The following LMNB1 variants were observed in gnomAD, a reference collection of about 807,000 sequenced individuals.
LMNB1 encodes the protein lamin-B1.
Under a neutral mutation model 67.1 loss-of-function variants are expected in LMNB1, and 23 were observed. That is an observed-to-expected ratio of 0.34 (90% confidence interval 0.25 to 0.49). LMNB1 has a LOEUF of 0.49. LMNB1 is among the 20% of genes least tolerant of loss of function. The pLI is 0.99. For missense variants in LMNB1, 634 were observed against 746.5 expected (o/e 0.85, Z 1.76); for synonymous variants, 281 against 282.9 (o/e 0.99, Z 0.07).
chr5:126,830,088 G>T (rs564653171), intron 9 of LMNB1, among the ~76,000 whole-genome samples: 1 of 152,108 alleles, frequency 6.6e-6, no homozygotes, highest in Non-Finnish European at 1.5e-5. Context: ...ATCATCTTTC[G>T]TCCACATAAG....
chr5:126,778,867 C>T (rs1412356768), intron 1 of LMNB1, among the ~76,000 whole-genome samples: 1 of 152,172 alleles, frequency 6.6e-6, no homozygotes, highest in Non-Finnish European at 1.5e-5. Flanking sequence ...GTTTGTAATT[C>T]ACCTAAGCGA....
At chr5:126,784,984 A>T (rs1172100704) in intron 1 of LMNB1, among the ~76,000 whole-genome samples, 2 of 136,658 alleles carry the variant, frequency 1.5e-5, no homozygotes, top group Admixed American at 7.5e-5. Context: ...AATTAATTTT[A>T]TTATTATTAT....
At chr5:126,791,846 C>T (rs761133240) in intron 1 of LMNB1, among the ~76,000 whole-genome samples, 5 of 151,378 alleles carry the variant, frequency 3.3e-5, no homozygotes, top group African/African-American at 4.9e-5. Context: ...TGCAGTGGTG[C>T]GATCTTGGCT....
intron 6 of LMNB1, among the ~76,000 whole-genome samples, chr5:126,820,613 C>G (rs1751841390): frequency 6.6e-6 from 1 of 152,126 alleles, no homozygotes; most frequent in South Asian, 2.1e-4. Flanking sequence ...GCAGCCTCTG[C>G]CTCCCGGGTT....
intron 8 of LMNB1, among the ~76,000 whole-genome samples, chr5:126,825,486 G>A (rs1182359545): frequency 6.6e-6 from 1 of 152,130 alleles, no homozygotes; most frequent in Non-Finnish European, 1.5e-5. Context: ...GGTCTCTTTA[G>A]TTCTTGCTGT....
At chr5:126,783,065 G>A (rs1750671125) in intron 1 of LMNB1, among the ~76,000 whole-genome samples, 1 of 151,776 alleles carries the variant, frequency 6.6e-6, no homozygotes, top group Non-Finnish European at 1.5e-5. Context: ...CGGGCGTGGT[G>A]GTGCACGCCT....
intron 5 of LMNB1, among the ~76,000 whole-genome samples, chr5:126,816,051 C>T (rs59395878): frequency 0.055 from 8,399 of 152,026 alleles, 260 homozygotes; most frequent in Middle Eastern, 0.095. Context: ...AATATATCTT[C>T]TACCTCTGAT....
intron 2 of LMNB1, among the ~76,000 whole-genome samples, chr5:126,805,314 A>G (rs1195679220): frequency 6.6e-6 from 1 of 152,232 alleles, no homozygotes; most frequent in Non-Finnish European, 1.5e-5. Flanking sequence ...GATTTTTGAA[A>G]TGTGAGTGAG....
At chr5:126,826,232 T>C in intron 9 of LMNB1, 125 bp downstream of exon 9, 1 of 1,085,628 alleles carries the variant, frequency 9.2e-7, no homozygotes, top group Non-Finnish European at 1.3e-6. Context: ...GCTGCTAAGT[T>C]AATTGAACTG....
chr5:126,827,439 T>C (rs1964723), intron 9 of LMNB1, among the ~76,000 whole-genome samples: 31,458 of 152,072 alleles, frequency 0.21, 3,382 homozygotes, highest in East Asian at 0.27. Context: ...GGTGGGTGGA[T>C]CACCTGAGGT....
intron 1 of LMNB1, among the ~76,000 whole-genome samples, chr5:126,779,908 T>A (rs1158100341): frequency 6.6e-6 from 1 of 152,204 alleles, no homozygotes; most frequent in East Asian, 1.9e-4. Flanking sequence ...GGCATGCATC[T>A]GTAGTCTCAG....
chr5:126,805,650 A>G lies in LMNB1; in HGVS notation c.596A>G (p.Gln199Arg). ...LLKVDLENRC[Q>R]SLTEDLEFRK... ...AAAGTAGATTTGGAGAATCGTTGTC[A>G]GAGCCTTACTGAGGACTTGGAGTTT... The change falls in exon 3 of 11, where the codon CAG becomes CGG. Residue 199 changes from glutamine to arginine, a missense_variant. Physicochemically the swap from Gln to Arg is conservative, Grantham distance 43. Transcript: ENST00000261366. The G allele has an allele frequency of 6.2e-7, 1 of 1,613,268 alleles. No homozygotes were observed. Among genetic ancestry groups the G allele is most frequent in the Non-Finnish European group, 8.5e-7 (1 of 1,179,350 alleles).
intron 5 of LMNB1, among the ~76,000 whole-genome samples, chr5:126,813,748 A>G (rs527686641): frequency 6.6e-6 from 1 of 152,294 alleles, no homozygotes; most frequent in Admixed American, 6.5e-5. Context: ...AAGGGCATGA[A>G]TCCCATTCAC....
At position 126,837,006 on chromosome 5, in the gene LMNB1, C is replaced by T. The variant is rs923052674; in HGVS notation, c.*742C>T. On this transcript the variant is annotated 3_prime_UTR_variant, in exon 11 of 11. Transcript: ENST00000261366. Reference sequence around the variant, plus strand: ...TATGTGACATTAACAAATAAAAAAGCTCTTTTAATATTGATATACTGTCCT... The same window carrying T: ...TATGTGACATTAACAAATAAAAAAGTTCTTTTAATATTGATATACTGTCCT... 2.5e-6 allele frequency: 1 copy of T among 397,188 alleles called. No homozygotes were observed. Among genetic ancestry groups the T allele is most frequent in the East Asian group, 3.6e-5 (1 of 27,952 alleles). 24.6% of individuals were successfully genotyped at this position (397,188 alleles called of 1,614,324 possible). A position where few individuals can be genotyped will look rare whatever the true frequency, so the allele number is the denominator to read the frequency against.
chr5:126,813,260 C>A (rs1204251071), intron 5 of LMNB1, among the ~76,000 whole-genome samples: 1 of 152,046 alleles, frequency 6.6e-6, no homozygotes, highest in Non-Finnish European at 1.5e-5. Context: ...TTATTTTAAA[C>A]CTATTTTGTG....
intron 1 of LMNB1, among the ~76,000 whole-genome samples, chr5:126,797,377 A>C (rs1331621370): frequency 2.6e-5 from 4 of 152,248 alleles, no homozygotes; most frequent in Non-Finnish European, 5.9e-5. Flanking sequence ...TAACATAGGA[A>C]GATCTCCTTA....
At chr5:126,821,347 A>C (rs1271098116) in intron 7 of LMNB1, among the ~76,000 whole-genome samples, 1 of 152,220 alleles carries the variant, frequency 6.6e-6, no homozygotes, top group Non-Finnish European at 1.5e-5. Context: ...GATTTGCTTC[A>C]TTAACCCTTC....
At chr5:126,835,256 G>T (rs1367342441) in intron 10 of LMNB1, among the ~76,000 whole-genome samples, 1 of 152,046 alleles carries the variant, frequency 6.6e-6, no homozygotes, top group Non-Finnish European at 1.5e-5. Flanking sequence ...AGATGGAAGG[G>T]CAGAACAGGC....
intron 7 of LMNB1, among the ~76,000 whole-genome samples, chr5:126,821,629 C>G (rs1373676321): frequency 6.6e-6 from 1 of 152,092 alleles, no homozygotes; most frequent in Admixed American, 6.5e-5. Context: ...AGCATGAAGC[C>G]TTATTTTGAA....
Sources: allele counts gnomAD v4.1 joint callset (sites outside exome capture counted in the v4.1 genomes callset), GRCh38; gene constraint gnomAD v4.1.1; transcripts MANE v1.5; gene names NCBI Gene and HGNC (gene_info 2026-07-23, HGNC 2026-07-21).